The following DPP10 variants were observed in gnomAD, a reference collection of about 807,000 sequenced individuals.
The protein encoded by DPP10 is dipeptidyl peptidase like 10.
DPP10 carries 33 observed loss-of-function variants against 120.9 expected under a neutral mutation model. That is an observed-to-expected ratio of 0.27 (90% confidence interval 0.21 to 0.37). DPP10 has a LOEUF of 0.37. Among genes scored for constraint, DPP10 ranks in the 10% least tolerant of loss-of-function variants. The pLI is 1.00. For missense variants in DPP10, 816 were observed against 942.8 expected (o/e 0.87, Z 1.76); for synonymous variants, 337 against 326.1 (o/e 1.03, Z -0.36).
At chr2:114,652,988 A>AAGAG (rs138466082) in intron 1 of DPP10, among the ~76,000 whole-genome samples, 5 of 135,412 alleles carry the variant, frequency 3.7e-5, no homozygotes, top group African/African-American at 8.5e-5. Flanking sequence ...CTCTCATTGG[A>AAGAG]AGAGAGAGAG....
intron 5 of DPP10, among the ~76,000 whole-genome samples, chr2:115,592,456 G>A (rs977668795): frequency 3.3e-5 from 5 of 152,070 alleles, no homozygotes; most frequent in African/African-American, 4.8e-5. Context: ...TAAGCTGAGC[G>A]TGGTGGCTCA....
At chr2:114,784,542 G>A (rs1682604511) in intron 1 of DPP10, among the ~76,000 whole-genome samples, 1 of 152,034 alleles carries the variant, frequency 6.6e-6, no homozygotes, top group South Asian at 2.1e-4. Context: ...TATTATTCCA[G>A]AGAGCACATG....
intron 1 of DPP10, among the ~76,000 whole-genome samples, chr2:115,188,487 A>G (rs915827862): frequency 4.6e-5 from 7 of 152,210 alleles, no homozygotes; most frequent in Non-Finnish European, 8.8e-5. Flanking sequence ...GCCTATAGAG[A>G]TATTTTAAGA....
At chr2:115,726,617 G>T (rs143025320) in intron 7 of DPP10, among the ~76,000 whole-genome samples, 343 of 152,172 alleles carry the variant, frequency 2.3e-3, no homozygotes, top group African/African-American at 7.8e-3. Context: ...CTGATATTGA[G>T]ATTCTCACCT....
rs138437232 is a variant in DPP10 at position 115,480,847 on chromosome 2, T to C, written c.272-18663T>C. Among the ~76,000 whole-genome samples, 313 of 152,294 alleles carry C rather than the reference T, an allele frequency of 2.1e-3. 1 individual carries two copies. Among genetic ancestry groups the C allele is most frequent in the African/African-American group, 7.0e-3 (292 of 41,574 alleles). ...AATGCTTAAGGAGAGACATCTGTTC[T>C]CTCTGATTCTTTAACCCACTTTAGA... On this transcript the variant is annotated intron_variant, in intron 3 of 25. Coordinates refer to ENST00000410059, the MANE Select transcript of DPP10 (RefSeq NM_020868.6).
chr2:114,623,831 TAATTAA>T (rs1694286514), intron 1 of DPP10, among the ~76,000 whole-genome samples: 1 of 152,092 alleles, frequency 6.6e-6, no homozygotes, highest in Non-Finnish European at 1.5e-5. Context: ...TCAAAATTAG[TAATTAA>T]AATTCCTAAA....
intron 1 of DPP10, among the ~76,000 whole-genome samples, chr2:115,059,693 A>G (rs1282739480): frequency 6.6e-6 from 1 of 151,068 alleles, no homozygotes; most frequent in African/African-American, 2.4e-5. Context: ...AGGAAAAAAA[A>G]AAAAAAAAAA....
intron 1 of DPP10, among the ~76,000 whole-genome samples, chr2:115,078,704 C>T (rs1457873789): frequency 3.3e-5 from 5 of 152,110 alleles, no homozygotes; most frequent in African/African-American, 1.2e-4. Flanking sequence ...TTGCAATATA[C>T]AACACGGGAT....
chr2:115,528,319 T>A (rs1325984599), intron 5 of DPP10, among the ~76,000 whole-genome samples: 2 of 151,248 alleles, frequency 1.3e-5, no homozygotes, highest in Non-Finnish European at 2.9e-5. Context: ...GTAACAAACC[T>A]GCACATTGTG....
chr2:115,420,754 C>T (rs2069868855), intron 3 of DPP10, among the ~76,000 whole-genome samples: 1 of 152,094 alleles, frequency 6.6e-6, no homozygotes, highest in Non-Finnish European at 1.5e-5. Flanking sequence ...ATTTTTAAGA[C>T]ACATTAACAA....
At chr2:115,544,952 T>C (rs2079409691) in intron 5 of DPP10, among the ~76,000 whole-genome samples, 1 of 152,088 alleles carries the variant, frequency 6.6e-6, no homozygotes, top group Admixed American at 6.6e-5. Flanking sequence ...CCTAAGTTGT[T>C]TTCTTTCTTC....
At chr2:115,006,630 C>A (rs549019258) in intron 1 of DPP10, among the ~76,000 whole-genome samples, 1 of 148,136 alleles carries the variant, frequency 6.8e-6, no homozygotes, top group South Asian at 2.2e-4. Context: ...AAGGCCATTA[C>A]ATAATGGTAA....
At chr2:115,511,168 A>AT (rs894952521) in intron 4 of DPP10, among the ~76,000 whole-genome samples, 1 of 151,824 alleles carries the variant, frequency 6.6e-6, no homozygotes, top group Non-Finnish European at 1.5e-5. Flanking sequence ...TTTATGAAGG[A>AT]TTTTTTTTAA....
At chr2:114,989,568 T>C (rs185758608) in intron 1 of DPP10, among the ~76,000 whole-genome samples, 1 of 152,280 alleles carries the variant, frequency 6.6e-6, no homozygotes, top group Non-Finnish European at 1.5e-5. Flanking sequence ...TTTGAGCAAA[T>C]GGGTTACTGG....
At chr2:115,765,661 T>C (rs2149801388) in intron 12 of DPP10, among the ~76,000 whole-genome samples, 1 of 152,114 alleles carries the variant, frequency 6.6e-6, no homozygotes, top group Non-Finnish European at 1.5e-5. Flanking sequence ...ATGAGTAAGA[T>C]TTAGCAGAAA....
chr2:114,793,727 G>A (rs2106248625), intron 1 of DPP10, among the ~76,000 whole-genome samples: 1 of 152,216 alleles, frequency 6.6e-6, no homozygotes, highest in Admixed American at 6.5e-5. Flanking sequence ...AAATTAACAA[G>A]ATATCCCCTA....
intron 1 of DPP10, among the ~76,000 whole-genome samples, chr2:114,941,130 AT>A (rs1696865650): frequency 6.6e-6 from 1 of 152,204 alleles, no homozygotes; most frequent in South Asian, 2.1e-4. Flanking sequence ...AATCGAAAGA[AT>A]TTGTTCTTTT....
chr2:115,750,501 C>T (rs1465456698), intron 10 of DPP10, among the ~76,000 whole-genome samples: 1 of 152,138 alleles, frequency 6.6e-6, no homozygotes, highest in Non-Finnish European at 1.5e-5. Flanking sequence ...ATTGTGTTTA[C>T]CATGTGCAAG....
chr2:114,891,294 G>A (rs190375678), intron 1 of DPP10, among the ~76,000 whole-genome samples: 1 of 152,228 alleles, frequency 6.6e-6, no homozygotes, highest in East Asian at 1.9e-4. Flanking sequence ...AAAACGCACC[G>A]TGGGGTCACA....
Sources: gnomAD v4.1 joint callset for allele counts (sites outside exome capture counted in the v4.1 genomes callset) on GRCh38, gnomAD v4.1.1 for gene constraint, MANE v1.5 for transcripts, NCBI Gene and HGNC (gene_info 2026-07-23, HGNC 2026-07-21) for gene names.